The following COL11A1 variants were observed in gnomAD, a reference collection of about 807,000 sequenced individuals.
COL11A1 encodes the protein collagen alpha-1(XI) chain.
COL11A1 carries 74 observed loss-of-function variants against 265.2 expected under a neutral mutation model. That is an observed-to-expected ratio of 0.28 (90% CI 0.23 to 0.34). COL11A1 has a LOEUF of 0.34. Among genes scored for constraint, COL11A1 ranks in the 10% least tolerant of loss-of-function variants. COL11A1 has a pLI of 1.00. For missense variants in COL11A1, 2,165 were observed against 2,263.6 expected (o/e 0.96, Z 0.88); for synonymous variants, 816 against 727.6 (o/e 1.12, Z -1.96).
chr1:103,018,859 C>T lies in COL11A1; in HGVS notation c.1309G>A (p.Gly437Ser), dbSNP rs1666773940. 3.1e-6 allele frequency: 5 copies of T among 1,611,484 alleles called. No homozygotes were observed. The highest frequency in any genetic ancestry group is 4.2e-6 in the Non-Finnish European group (5 of 1,178,154). Residue 437 changes from glycine (G) to serine (S), a missense_variant and splice_region_variant, in exon 10 of 67, where the codon GGT becomes AGT. Gly to Ser is a moderately conservative substitution (Grantham distance 56). Coordinates refer to ENST00000370096, the MANE Select transcript of COL11A1 (RefSeq NM_001854.4). ...CCTGGTGGTCCTTCGACAAGCATACCCTATAACAGGAAAAGAGAACATCTC... is the reference window on the plus strand; with the variant it reads ...CCTGGTGGTCCTTCGACAAGCATACTCTATAACAGGAAAAGAGAACATCTC... ...QKGEPAVVEP[G>S]MLVEGPPGPA...
chr1:102,923,119 T>G (rs562809768), intron 47 of COL11A1, among the ~76,000 whole-genome samples: 1 of 152,208 alleles, frequency 6.6e-6, no homozygotes, highest in Non-Finnish European at 1.5e-5. Context: ...CTGTATAAAT[T>G]GCTAATTATC....
chr1:102,898,282 C>G, intron 56 of COL11A1, 104 bp from the exon 57 acceptor site: 1 of 495,594 alleles, frequency 2.0e-6, no homozygotes, highest in Non-Finnish European at 3.0e-6. Context: ...AAGGAAATAT[C>G]ACCCTTAAGT....
intron 57 of COL11A1, 82 bp downstream of exon 57, chr1:102,898,043 T>C: frequency 1.2e-6 from 1 of 866,452 alleles, no homozygotes. Context: ...ATTTATAAAC[T>C]AAAATGTCAA....
At chr1:102,931,958 C>T (rs1657504504) in intron 46 of COL11A1, among the ~76,000 whole-genome samples, 1 of 150,798 alleles carries the variant, frequency 6.6e-6, no homozygotes, top group Non-Finnish European at 1.5e-5. Flanking sequence ...GATCTTCCTC[C>T]ATCCTTTTAT....
intron 42 of COL11A1, among the ~76,000 whole-genome samples, chr1:102,940,980 A>G (rs1658661130): frequency 6.6e-6 from 1 of 152,154 alleles, no homozygotes; most frequent in Admixed American, 6.5e-5. Context: ...TAATGAACTC[A>G]ACTTCTGTTT....
intron 1 of COL11A1, among the ~76,000 whole-genome samples, chr1:103,103,156 G>C (rs1241938274): frequency 6.6e-6 from 1 of 151,202 alleles, no homozygotes; most frequent in East Asian, 1.9e-4. Context: ...TTTTTCTTCA[G>C]TTTGCCACTT....
At chr1:103,065,006 T>C (rs1194536457) in intron 4 of COL11A1, among the ~76,000 whole-genome samples, 1 of 152,174 alleles carries the variant, frequency 6.6e-6, no homozygotes, top group Non-Finnish European at 1.5e-5. Context: ...ACTCTTAGAA[T>C]GTACAACACC....
At chr1:102,935,763 T>C (rs1212751018) in intron 44 of COL11A1, among the ~76,000 whole-genome samples, 1 of 152,212 alleles carries the variant, frequency 6.6e-6, no homozygotes, top group African/African-American at 2.4e-5. Flanking sequence ...AAAACTGTCA[T>C]TGAACTGTAT....
At position 102,996,341 on chromosome 1, in the gene COL11A1, A is replaced by G. The variant is rs906623131; in HGVS notation, c.2242-299T>C. Among the ~76,000 whole-genome samples the G allele has an allele frequency of 2.0e-5, 3 of 152,098 alleles. No homozygotes were observed. The East Asian group carries it at 5.8e-4, about 29-fold the overall frequency. ...GTAAAATAATGTAAACAATTCAAAA[A>G]TTAATAACTAGATTTTTAACCTAAA... On this transcript the variant is annotated intron_variant, in intron 26 of 66. Coordinates refer to ENST00000370096, the MANE Select transcript of COL11A1 (RefSeq NM_001854.4).
Position 102,879,758 on chromosome 1 carries a change from G to A in COL11A1, c.5199C>T (p.Arg1733=). 2.5e-6 allele frequency: 4 copies of A among 1,613,936 alleles called. No homozygotes were observed. Among genetic ancestry groups the A allele is most frequent in the Non-Finnish European group, 3.4e-6 (4 of 1,179,888 alleles). The part of the protein sequence containing the change: ...VSSGSYDKAL[R]FLGSNDEEMS... Reference sequence around the variant, plus strand: ...TCTCCTCATCATTTGATCCCAGGAAGCGAAGTGCTTTGTCATAACTTCCTG... The same window carrying A: ...TCTCCTCATCATTTGATCCCAGGAAACGAAGTGCTTTGTCATAACTTCCTG... Residue 1733 remains arginine (R), a synonymous_variant, in exon 66 of 67, where the codon CGC becomes CGT. Transcript: ENST00000370096.
chr1:102,975,103 T>A (rs1662342042), intron 35 of COL11A1, among the ~76,000 whole-genome samples: 1 of 152,266 alleles, frequency 6.6e-6, no homozygotes, highest in Middle Eastern at 3.4e-3. Flanking sequence ...ATCACATCAA[T>A]GTTACCTCAG....
At position 102,973,385 on chromosome 1, in the gene COL11A1, G is replaced by A. The variant is rs191998697; in HGVS notation, c.2808+1445C>T. The stretch of plus-strand genomic sequence containing the variant: ...ATAACACAATGGGCTGAAAAAGTCT[G>A]ATAAAAAAATGAGTCAAATGGGTTT... On this transcript the variant is annotated intron_variant, in intron 36 of 66. Transcript: ENST00000370096. Among the ~76,000 whole-genome samples the A allele has an allele frequency of 1.1e-4, 17 of 152,062 alleles. No individual in the cohort carries two copies. In the East Asian group the frequency reaches 2.9e-3, roughly 26 times the overall value.
At chr1:102,984,262 T>G in intron 30 of COL11A1, 71 bp from the exon 31 acceptor site, 1 of 1,043,870 alleles carries the variant, frequency 9.6e-7, no homozygotes, top group Non-Finnish European at 1.4e-6. Context: ...GATTTCAATT[T>G]TTTTTAAATA....
rs751679142 is a variant in COL11A1 at position 103,012,473 on chromosome 1, GA to G, written c.1573-5del. 1 of 1,610,336 alleles carries G rather than the reference GA, an allele frequency of 6.2e-7. No homozygotes were observed. Among genetic ancestry groups the G allele is most frequent in the Non-Finnish European group, 8.5e-7 (1 of 1,176,948 alleles). ...CAGGTGGGCCTCTCAGAGCAATCTA[GA>G]AAACAAAATATATCAAATTCAGTAA... On this transcript the variant is annotated splice_region_variant and splice_polypyrimidine_tract_variant and intron_variant, in intron 13 of 66. Transcript: ENST00000370096.
chr1:102,965,591 A>T, intron 37 of COL11A1, 51 bp from the exon 38 acceptor site: 3 of 1,490,014 alleles, frequency 2.0e-6, no homozygotes, highest in Non-Finnish European at 2.8e-6. Context: ...ACAAAGCATA[A>T]ATCAAAATTC....
At chr1:102,890,339 G>A in intron 58 of COL11A1, 112 bp downstream of exon 58, 1 of 968,968 alleles carries the variant, frequency 1.0e-6, no homozygotes, top group East Asian at 2.7e-5. Context: ...TTCAGGGTTA[G>A]AATGAAGATA....
chr1:102,924,176 G>T (rs1363824970), intron 46 of COL11A1, among the ~76,000 whole-genome samples: 1 of 152,076 alleles, frequency 6.6e-6, no homozygotes, highest in East Asian at 1.9e-4. Context: ...AACCAAGATC[G>T]TGCCACTGCA....
At chr1:103,084,185 C>A (rs1205002109) in intron 1 of COL11A1, among the ~76,000 whole-genome samples, 1 of 152,056 alleles carries the variant, frequency 6.6e-6, no homozygotes, top group Non-Finnish European at 1.5e-5. Flanking sequence ...CTATAATTAT[C>A]TATTTCTGAA....
chr1:102,896,379 A>T (rs1327591383), intron 57 of COL11A1, among the ~76,000 whole-genome samples: 4 of 152,196 alleles, frequency 2.6e-5, no homozygotes, highest in Non-Finnish European at 5.9e-5. Context: ...GATCTTTCTT[A>T]GTTGAGTTGA....
Sources: allele counts gnomAD v4.1 joint callset (sites outside exome capture counted in the v4.1 genomes callset), GRCh38; gene constraint gnomAD v4.1.1; transcripts MANE v1.5; gene names NCBI Gene and HGNC (gene_info 2026-07-23, HGNC 2026-07-21).